Variants in TRABD2A observed in about 807,000 individuals in gnomAD.
TRABD2A encodes metalloprotease TIKI1.
TRABD2A carries 43 observed loss-of-function variants against 45.6 expected under a neutral mutation model. The observed-to-expected ratio is 0.94, with a 90% CI of 0.74 to 1.22. The LOEUF is 1.22. TRABD2A is among the 50% of genes most tolerant of loss of function. TRABD2A has a pLI of 0.00. For synonymous variants in TRABD2A, 269 were observed against 265.0 expected (o/e 1.02, Z -0.15); for missense variants, 642 against 652.4 (o/e 0.98, Z 0.17).
chr2:84,869,206 G>A (rs1682788915), intron 2 of TRABD2A, among the ~76,000 whole-genome samples: 1 of 152,146 alleles, frequency 6.6e-6, no homozygotes, highest in Non-Finnish European at 1.5e-5. Context: ...GAGCTATTTG[G>A]ATTAACAGTA....
At chr2:84,864,046 A>G (rs965421612) in intron 2 of TRABD2A, among the ~76,000 whole-genome samples, 1 of 151,398 alleles carries the variant, frequency 6.6e-6, no homozygotes, top group African/African-American at 2.4e-5. Flanking sequence ...CTTTTTTTGG[A>G]ATTTATGATG....
rs544748549 is a variant in TRABD2A, at chr2:84,824,013, C to T, written c.1274G>A (p.Arg425Gln). 104 of 1,613,720 alleles carry T rather than the reference C, an allele frequency of 6.4e-5. No individual in the cohort carries two copies. Among genetic ancestry groups the T allele is most frequent in the Admixed American group, 8.3e-5 (5 of 60,006 alleles). ...AEQRFRKKRR[R>Q]SQRRPRLRQF... ...CCGGAGTCGCGGCCTCCGCTGTGAC[C>T]GCCTCCGCTTCTTCCGGAACCTCTG... The change falls in exon 6 of 7, where the codon CGG becomes CAG. Residue 425 changes from arginine (R) to glutamine (Q), a missense_variant. Transcript: ENST00000409520.
At chr2:84,868,863 C>T (rs1242021230) in intron 2 of TRABD2A, among the ~76,000 whole-genome samples, 1 of 152,142 alleles carries the variant, frequency 6.6e-6, no homozygotes, top group East Asian at 1.9e-4. Flanking sequence ...ATCAAAGCAC[C>T]TTTCTTTTTC....
Position 84,854,236 on chromosome 2 carries a change from A to G in TRABD2A, c.670-12229T>C, listed in dbSNP as rs150906338. 1.0e-3 allele frequency among the ~76,000 whole-genome samples: 154 copies of G among 152,272 alleles called. 1 individual carries two copies. The Middle Eastern group carries it at 0.027, about 27-fold the overall frequency. On this transcript the variant is annotated intron_variant, in intron 2 of 6. Transcript: ENST00000409520. ...ATATCCAAATGCAACTTGCCATTTT[A>G]TAGCAGGAACTTGAGCATCTTTGAA...
At chr2:84,827,374 T>G (rs983832442) in intron 5 of TRABD2A, among the ~76,000 whole-genome samples, 3 of 152,190 alleles carry the variant, frequency 2.0e-5, no homozygotes, top group Non-Finnish European at 4.4e-5. Context: ...CTCTGCCCCT[T>G]GCATAAAATT....
chr2:84,835,461 T>C (rs543387076), intron 4 of TRABD2A: 2 of 152,136 alleles, frequency 1.3e-5, no homozygotes, highest in South Asian at 2.1e-4. Flanking sequence ...TCACACAGGC[T>C]GGAGTGCAGT....
intron 2 of TRABD2A, among the ~76,000 whole-genome samples, chr2:84,864,133 G>C (rs940620393): frequency 1.3e-5 from 2 of 152,082 alleles, no homozygotes; most frequent in Admixed American, 1.3e-4. Flanking sequence ...GCACCTGACA[G>C]CAATAACTTC....
At chr2:84,861,022 G>A (rs1682477869) in intron 2 of TRABD2A, among the ~76,000 whole-genome samples, 1 of 152,176 alleles carries the variant, frequency 6.6e-6, no homozygotes, top group Non-Finnish European at 1.5e-5. Context: ...TCAGGCCCTC[G>A]AGCTTGGATT....
At position 84,832,146 on chromosome 2, in the gene TRABD2A, C is replaced by T; in HGVS notation, c.992-1G>A. ...ACTGTGTTGTTGCCCATGAAATGACCTGCAGTGAGAAAAACAACCTGAAAT... is the reference window on the plus strand; with the variant it reads ...ACTGTGTTGTTGCCCATGAAATGACTTGCAGTGAGAAAAACAACCTGAAAT... On this transcript the variant is annotated splice_acceptor_variant, in intron 4 of 6. Coordinates refer to ENST00000409520, the MANE Select transcript of TRABD2A (RefSeq NM_001277053.2). LOFTEE classifies it high-confidence loss of function. The T allele has an allele frequency of 1.2e-6, 2 of 1,613,992 alleles. No homozygotes were observed. Among genetic ancestry groups the T allele is most frequent in the Non-Finnish European group, 1.7e-6 (2 of 1,179,878 alleles).
intron 2 of TRABD2A, among the ~76,000 whole-genome samples, chr2:84,862,050 C>T (rs1238806318): frequency 2.0e-5 from 3 of 152,220 alleles, no homozygotes; most frequent in South Asian, 2.1e-4. Context: ...CGTGGCATGA[C>T]GTGATGCTAC....
intron 6 of TRABD2A, among the ~76,000 whole-genome samples, chr2:84,823,199 A>G (rs1257443772): frequency 6.6e-6 from 1 of 152,120 alleles, no homozygotes; most frequent in African/African-American, 2.4e-5. Flanking sequence ...CCTAAGTAGT[A>G]ACCTCCAACA....
intron 2 of TRABD2A, 26 bp from the exon 3 acceptor site, chr2:84,842,033 C>T: frequency 6.9e-7 from 1 of 1,459,016 alleles, no homozygotes; most frequent in Non-Finnish European, 9.1e-7. Context: ...CTTTTAAGTT[C>T]ACTAACAAGG....
At chr2:84,840,705 C>G (rs972393519) in intron 3 of TRABD2A, among the ~76,000 whole-genome samples, 9 of 152,332 alleles carry the variant, frequency 5.9e-5, no homozygotes, top group East Asian at 1.9e-4. Flanking sequence ...TTTTCTCCCC[C>G]CTTCCCTACC....
At chr2:84,839,013 T>A (rs1681614303) in intron 4 of TRABD2A, 136 bp downstream of exon 4, 1 of 976,936 alleles carries the variant, frequency 1.0e-6, no homozygotes. Flanking sequence ...GCAACTGAAA[T>A]AAGTCAAGGA....
chr2:84,850,934 AGG>A (rs1682066313), intron 2 of TRABD2A: 1 of 152,364 alleles, frequency 6.6e-6, no homozygotes, highest in African/African-American at 2.4e-5. Flanking sequence ...CCAGGCCATT[AGG>A]GGAAGAAGCC....
At chr2:84,838,633 A>G (rs1013950239) in intron 4 of TRABD2A, among the ~76,000 whole-genome samples, 2 of 152,172 alleles carry the variant, frequency 1.3e-5, no homozygotes, top group African/African-American at 2.4e-5. Context: ...TGAGGCTGCA[A>G]AGAATTCTGT....
intron 3 of TRABD2A, among the ~76,000 whole-genome samples, chr2:84,840,306 T>G (rs1261872628): frequency 6.6e-6 from 1 of 152,202 alleles, no homozygotes; most frequent in Non-Finnish European, 1.5e-5. Context: ...ATGTCATTTA[T>G]GTAAGATCCC....
chr2:84,837,944 A>G (rs1286504554), intron 4 of TRABD2A: 1 of 362,258 alleles, frequency 2.8e-6, no homozygotes, highest in East Asian at 4.4e-5. Context: ...TGTAAGCTTC[A>G]ATTAATATTG....
At chr2:84,831,526 G>A (rs1237313227) in intron 5 of TRABD2A, among the ~76,000 whole-genome samples, 2 of 144,628 alleles carry the variant, frequency 1.4e-5, no homozygotes, top group Non-Finnish European at 3.0e-5. Context: ...GCAGAGGGCA[G>A]TTTGGCCAAA....
Sources: gnomAD v4.1 joint callset for allele counts (sites outside exome capture counted in the v4.1 genomes callset) on GRCh38, gnomAD v4.1.1 for gene constraint, MANE v1.5 for transcripts, NCBI Gene and HGNC (gene_info 2026-07-23, HGNC 2026-07-21) for gene names.